Variants in EBF4 observed in about 807,000 individuals in gnomAD.
EBF4 encodes EBF transcription factor 4, also known as transcription factor COE4.
A neutral mutation model predicts 67.1 loss-of-function variants in EBF4; 34 were observed. The observed-to-expected ratio is 0.51, with a 90% CI of 0.39 to 0.67. The LOEUF (loss-of-function observed/expected upper bound fraction) is 0.67. Among genes scored for constraint, EBF4 ranks in the 30% least tolerant of loss-of-function variants. The probability of loss-of-function intolerance (pLI) is 0.00; values close to 1 mark genes in which losing one functional copy is unlikely to be tolerated. For missense variants in EBF4, 837 were observed against 873.3 expected (o/e 0.96, Z 0.52); for synonymous variants, 387 against 377.7 (o/e 1.02, Z -0.29).
intron 6 of EBF4, among the ~76,000 whole-genome samples, chr20:2,744,142 G>C (rs530489813): frequency 6.7e-6 from 1 of 149,366 alleles, no homozygotes; most frequent in Non-Finnish European, 1.5e-5. Context: ...GTGCAATGGC[G>C]TGATCTCAGC....
In EBF4 at chr20:2,758,889, T is replaced by C. The variant is rs781623708; in HGVS notation, c.1739-20T>C. 116 of 1,549,802 alleles carry C rather than the reference T, an allele frequency of 7.5e-5. 2 individuals are homozygous for C. In the South Asian group the frequency reaches 1.3e-3, roughly 18 times the overall value. On this transcript the variant is annotated intron_variant, in intron 15 of 16. Coordinates refer to ENST00000609451, the Ensembl canonical transcript of EBF4. ...CAGGTGGCACATGGCTTATGGCTCC[T>C]TTTTCCTTGACTACTGCAGACCAGT...
At chr20:2,729,419 C>G (rs1222773883) in intron 6 of EBF4, among the ~76,000 whole-genome samples, 2 of 152,212 alleles carry the variant, frequency 1.3e-5, no homozygotes, top group Non-Finnish European at 2.9e-5. Context: ...CAGCCTCTTG[C>G]TGATAAACTT....
intron 5 of EBF4, 72 bp downstream of exon 5, chr20:2,708,092 C>A (rs971287445): frequency 1.4e-6 from 2 of 1,455,288 alleles, no homozygotes; most frequent in Non-Finnish European, 1.9e-6. Flanking sequence ...CAGGCCCTGC[C>A]CCCTCGCCGC....
Position 2,745,227 on chromosome 20 carries a change from AG to A in EBF4, c.558-3317del, listed in dbSNP as rs1186741793. ...AGGTGACGCTGACGCTGCTGGTCTT[AG>A]GGGGTGGTGCAGGCTCTCTGACTGG... On this transcript the variant is annotated intron_variant, in intron 6 of 16. Transcript: ENST00000609451. The surrounding 1 kb of genome is among the most constrained non-coding windows in gnomAD (Gnocchi z 5.2). Among the ~76,000 whole-genome samples the A allele has an allele frequency of 6.6e-6, 1 of 152,198 alleles. No individual in the cohort carries two copies. Among genetic ancestry groups the A allele is most frequent in the African/African-American group, 2.4e-5 (1 of 41,458 alleles).
intron 1 of EBF4, among the ~76,000 whole-genome samples, chr20:2,704,671 C>T (rs1159484190): frequency 2.0e-5 from 3 of 152,230 alleles, no homozygotes; most frequent in African/African-American, 7.2e-5. Flanking sequence ...TTAATATTTT[C>T]TTCCTTTGCT....
At chr20:2,742,981 C>T (rs1200049717) in intron 6 of EBF4, among the ~76,000 whole-genome samples, 2 of 152,162 alleles carry the variant, frequency 1.3e-5, no homozygotes, top group Admixed American at 6.5e-5. Flanking sequence ...AACACCTGCC[C>T]GCAGTTCCCA....
In EBF4 at chr20:2,755,848, T is replaced by C. The variant is rs1315975917; in HGVS notation, c.1738+24T>C. 6.5e-7 allele frequency: 1 copy of C among 1,539,740 alleles called. No individual in the cohort carries two copies. Among genetic ancestry groups the C allele is most frequent in the East Asian group, 2.4e-5 (1 of 40,888 alleles). On this transcript the variant is annotated intron_variant, in intron 15 of 16. Coordinates refer to ENST00000609451, the Ensembl canonical transcript of EBF4. The surrounding 1 kb of genome is among the most constrained non-coding windows in gnomAD (Gnocchi z 4.7). ...AGGTGAGTGATCCACCCTGCCTCAC[T>C]GTGGCAGGAAGGAAGGGCCCTTGTG...
chr20:2,701,538 G>C (rs1033443334), intron 1 of EBF4, among the ~76,000 whole-genome samples: 6 of 152,242 alleles, frequency 3.9e-5, no homozygotes, highest in Non-Finnish European at 7.3e-5. Context: ...CTGATATTTG[G>C]GTGGGACAGG....
chr20:2,722,511 CTT>C (rs2087695383), intron 6 of EBF4, among the ~76,000 whole-genome samples: 1 of 152,170 alleles, frequency 6.6e-6, no homozygotes, highest in African/African-American at 2.4e-5. Flanking sequence ...CTAGGATACT[CTT>C]TGTATGCAGC....
chr20:2,748,301 T>C (rs555926856), intron 6 of EBF4, among the ~76,000 whole-genome samples: 1 of 152,254 alleles, frequency 6.6e-6, no homozygotes, highest in South Asian at 2.1e-4. Context: ...GTGGCATAAA[T>C]AAGCCCTGTG....
intron 6 of EBF4, among the ~76,000 whole-genome samples, chr20:2,733,695 T>A (rs78748403): frequency 0.024 from 3,705 of 152,114 alleles, 149 homozygotes; most frequent in African/African-American, 0.084. Flanking sequence ...CCAAATGAGA[T>A]ATGTTGTTGA....
intron 6 of EBF4, among the ~76,000 whole-genome samples, chr20:2,742,078 GGCAGGCTTGCC>G (rs2087976282): frequency 1.3e-5 from 2 of 152,162 alleles, no homozygotes; most frequent in African/African-American, 4.8e-5. Context: ...TGCTTTTGAA[GGCAGGCTTGCC>G]GCTGCAGTAC....
intron 1 of EBF4, among the ~76,000 whole-genome samples, chr20:2,704,079 G>A (rs559037858): frequency 6.6e-6 from 1 of 152,252 alleles, no homozygotes; most frequent in South Asian, 2.1e-4. Context: ...AAGCTGCAGT[G>A]CTTTTATGAT....
At chr20:2,694,733 C>T (rs2087263733) in intron 1 of EBF4, among the ~76,000 whole-genome samples, 1 of 152,030 alleles carries the variant, frequency 6.6e-6, no homozygotes, top group African/African-American at 2.4e-5. Context: ...TAATGCAGAC[C>T]GGGCCTGACA....
chr20:2,755,893 G>T lies in EBF4; in HGVS notation c.1738+69G>T. Reference sequence around the variant, plus strand: ...CTTGTGGAGCAGCTGGGCTACAGGGGCCTGCTCTGTCCACATCTCACCAGT... The same window carrying T: ...CTTGTGGAGCAGCTGGGCTACAGGGTCCTGCTCTGTCCACATCTCACCAGT... On this transcript the variant is annotated intron_variant, in intron 15 of 16. Coordinates refer to ENST00000609451, the Ensembl canonical transcript of EBF4. The surrounding 1 kb of genome is among the most constrained non-coding windows in gnomAD (Gnocchi z 4.7). 1.4e-6 allele frequency: 2 copies of T among 1,417,070 alleles called. No homozygotes were observed. The highest frequency in any genetic ancestry group is 1.9e-6 in the Non-Finnish European group (2 of 1,051,452). 87.8% of individuals were successfully genotyped at this position (1,417,070 alleles called of 1,614,324 possible). A position where few individuals can be genotyped will look rare whatever the true frequency, so the allele number is the denominator to read the frequency against.
In EBF4 at chr20:2,693,719, T is replaced by C. The variant is rs2087245969; in HGVS notation, c.74T>C (p.Leu25Pro). 3.6e-6 allele frequency: 5 copies of C among 1,403,884 alleles called. No homozygotes were observed. In the East Asian group the frequency reaches 1.5e-4, roughly 43 times the overall value. 87.0% of individuals were successfully genotyped at this position (1,403,884 alleles called of 1,614,324 possible). The stretch of plus-strand genomic sequence containing the variant: ...GAGGAGCCGCTGCTGCCCGCCGGCC[T>C]GGGCTCAGTGCGCTCCTGGATGCAG... The change falls in exon 1 of 17, where the codon CTG becomes CCG. Residue 25 changes from leucine to proline, a missense_variant. This residue lies in a region of EBF4 where 86 missense variants were observed against 70.3 expected (regional missense o/e 1.22). Coordinates refer to ENST00000609451, the Ensembl canonical transcript of EBF4. The surrounding 1 kb of genome is among the most constrained non-coding windows in gnomAD (Gnocchi z 4.6).
chr20:2,705,772 A>G (rs2087445380), intron 2 of EBF4, 39 bp downstream of exon 2: 1 of 1,481,252 alleles, frequency 6.8e-7, no homozygotes, highest in Non-Finnish European at 9.1e-7. Flanking sequence ...TGGCCCCGGG[A>G]GGGAACCCCC....
At position 2,696,177 on chromosome 20, in the gene EBF4, A is replaced by G. The variant is rs532600640; in HGVS notation, c.137+2395A>G. Among the ~76,000 whole-genome samples, 28 of 152,310 alleles carry G rather than the reference A, an allele frequency of 1.8e-4. No individual in the cohort carries two copies. Among genetic ancestry groups the G allele is most frequent in the Admixed American group, 1.2e-3 (19 of 15,288 alleles). ...AAGATCATGTCTCTCTCCGATTACA[A>G]ATAAAGTGACCAGGCTGGGCGCGGT... is the stretch of plus-strand genomic sequence containing the variant. On this transcript the variant is annotated intron_variant, in intron 1 of 16. Coordinates refer to ENST00000609451, the Ensembl canonical transcript of EBF4. This position sits in a 1 kb window ranked among gnomAD's most constrained non-coding sequence, Gnocchi z 4.7.
chr20:2,744,479 CT>C (rs1190494535), intron 6 of EBF4, among the ~76,000 whole-genome samples: 165 of 118,042 alleles, frequency 1.4e-3, no homozygotes, highest in African/African-American at 5.8e-3. Context: ...TTTCTTTTTT[CT>C]TTTTTTCTTT....
Sources: gnomAD v4.1 joint callset for allele counts (sites outside exome capture counted in the v4.1 genomes callset) on GRCh38, gnomAD v4.1.1 for gene constraint, gnomAD v4.1.1 regional missense constraint, Gnocchi (gnomAD v3.1) non-coding constraint, MANE v1.5 for transcripts, NCBI Gene and HGNC (gene_info 2026-07-23, HGNC 2026-07-21) for gene names.